BCL2L11: variants seen among roughly 807,000 people sequenced by gnomAD.
The protein encoded by BCL2L11 is BCL2 like 11.
BCL2L11 carries 15 observed loss-of-function variants against 20.6 expected under a neutral mutation model. That is an observed-to-expected ratio of 0.73 (90% CI 0.49 to 1.12). BCL2L11 has a LOEUF of 1.12. BCL2L11 is among the 50% of genes most tolerant of loss of function. The pLI, the probability that BCL2L11 is intolerant of heterozygous loss-of-function variation, is 0.00. For synonymous variants in BCL2L11, 108 were observed against 92.8 expected (o/e 1.16, Z -0.94); for missense variants, 292 against 260.9 (o/e 1.12, Z -0.82).
chr2:111,164,005 A>G (rs1049114664), intron 3 of BCL2L11, 128 bp from the exon 4 acceptor site: 22 of 654,788 alleles, frequency 3.4e-5, no homozygotes, highest in Non-Finnish European at 6.2e-5. Flanking sequence ...TTTGTGACAC[A>G]GTGCTCTTGA....
chr2:111,149,987 T>G (rs2077053053), intron 2 of BCL2L11, 57 bp from the exon 3 acceptor site: 1 of 1,500,212 alleles, frequency 6.7e-7, no homozygotes. Flanking sequence ...TCTTTGGAAC[T>G]TTCCCAGTGA....
chr2:111,127,943 C>T (rs2073041481), intron 2 of BCL2L11, among the ~76,000 whole-genome samples: 1 of 152,056 alleles, frequency 6.6e-6, no homozygotes, highest in African/African-American at 2.4e-5. Context: ...ACTTGTATTG[C>T]AGTTAAACAC....
At chr2:111,146,339 T>A in intron 2 of BCL2L11, 1 of 662,342 alleles carries the variant, frequency 1.5e-6, no homozygotes, top group Non-Finnish European at 1.9e-6. Flanking sequence ...AAATAAAATA[T>A]TTATGCTTGG....
At position 111,123,685 on chromosome 2, in the gene BCL2L11, G is replaced by A. The variant is rs891773097; in HGVS notation, c.-13-48G>A. ...GTGAGAGCTAATTTGTTTATTCATC[G>A]ATTTTTTTTTTTGCTTAAAATAATC... On this transcript the variant is annotated intron_variant, in intron 1 of 3. Transcript: ENST00000393256. 1.7e-5 allele frequency: 23 copies of A among 1,318,140 alleles called. No homozygotes were observed. The African/African-American group carries it at 3.0e-4, about 17-fold the overall frequency. The allele number at this position is 1,318,140 out of a possible 1,614,324, so 81.7% of individuals were successfully genotyped here. A position where few individuals can be genotyped will look rare whatever the true frequency, so the allele number is the denominator to read the frequency against.
chr2:111,130,107 C>CTTT, intron 2 of BCL2L11: 1 of 393,492 alleles, frequency 2.5e-6, no homozygotes. Flanking sequence ...ACTTTTACTT[C>CTTT]TCTTTTTTTT....
At chr2:111,136,426 G>C (rs1001989243) in intron 2 of BCL2L11, among the ~76,000 whole-genome samples, 1 of 152,196 alleles carries the variant, frequency 6.6e-6, no homozygotes, top group Non-Finnish European at 1.5e-5. Flanking sequence ...TCAGTTGGGA[G>C]AGGAAGGACC....
At chr2:111,159,721 C>T (rs1231220301) in intron 3 of BCL2L11, among the ~76,000 whole-genome samples, 3 of 152,224 alleles carry the variant, frequency 2.0e-5, no homozygotes, top group Non-Finnish European at 4.4e-5. Flanking sequence ...GATGCTTCTG[C>T]CCTGCACTTA....
intron 2 of BCL2L11, among the ~76,000 whole-genome samples, chr2:111,136,957 A>G (rs1328785780): frequency 6.6e-6 from 1 of 152,156 alleles, no homozygotes; most frequent in African/African-American, 2.4e-5. Flanking sequence ...CCTTTTTCAG[A>G]TGATAACCGT....
Position 111,163,999 on chromosome 2 carries a change from T to A in BCL2L11, c.499-134T>A, listed in dbSNP as rs548735766. On this transcript the variant is annotated intron_variant, in intron 3 of 3. Coordinates refer to ENST00000393256, the MANE Select transcript of BCL2L11 (RefSeq NM_138621.5). ...AATCTCTGGGAGGCATCGTGCTTTG[T>A]GACACAGTGCTCTTGAAGAGGTGCC... The A allele has an allele frequency of 2.3e-5, 15 of 640,502 alleles. No individual in the cohort carries two copies. In the South Asian group the frequency reaches 2.8e-4, roughly 12 times the overall value. 39.7% of individuals were successfully genotyped at this position (640,502 alleles called of 1,614,324 possible). A position where few individuals can be genotyped will look rare whatever the true frequency, so the allele number is the denominator to read the frequency against.
intron 3 of BCL2L11, among the ~76,000 whole-genome samples, chr2:111,150,615 G>A (rs2077132501): frequency 6.6e-6 from 1 of 152,230 alleles, no homozygotes; most frequent in African/African-American, 2.4e-5. Context: ...CGAGGAAGCA[G>A]GGAGCCATTG....
chr2:111,158,590 G>A (rs2078171819), intron 3 of BCL2L11, among the ~76,000 whole-genome samples: 1 of 151,550 alleles, frequency 6.6e-6, no homozygotes. Flanking sequence ...TAAAAAATAA[G>A]TTTCAGGACA....
At chr2:111,148,813 TATAAG>T (rs2076892378) in intron 2 of BCL2L11, among the ~76,000 whole-genome samples, 1 of 152,184 alleles carries the variant, frequency 6.6e-6, no homozygotes, top group Non-Finnish European at 1.5e-5. Flanking sequence ...TTCACTTGGG[TATAAG>T]ATGAGGCAAG....
rs2077066690 is a variant in BCL2L11, at chr2:111,150,076, C to T, written c.427C>T (p.Arg143Cys). 1 of 1,613,880 alleles carries T rather than the reference C, an allele frequency of 6.2e-7. No individual in the cohort carries two copies. ...GAGGCAGGCTGAACCTGCAGATATGCGCCCAGAGATATGGATCGCCCAAGA... is the reference window on the plus strand; with the variant it reads ...GAGGCAGGCTGAACCTGCAGATATGTGCCCAGAGATATGGATCGCCCAAGA... ...SMRQAEPADM[R>C]PEIWIAQELR... Residue 143 changes from arginine (R) to cysteine (C), a missense_variant, in exon 3 of 4, where the codon CGC (arginine) becomes TGC (cysteine). Coordinates refer to ENST00000393256, the MANE Select transcript of BCL2L11 (RefSeq NM_138621.5).
chr2:111,125,674 G>A (rs550249558), intron 2 of BCL2L11, among the ~76,000 whole-genome samples: 94 of 151,588 alleles, frequency 6.2e-4, no homozygotes, highest in African/African-American at 2.2e-3. Flanking sequence ...GTGGTCACTT[G>A]TCAGAGGTTG....
At chr2:111,124,395 A>C (rs1390235780) in intron 2 of BCL2L11, among the ~76,000 whole-genome samples, 3 of 151,910 alleles carry the variant, frequency 2.0e-5, no homozygotes, top group African/African-American at 7.3e-5. Context: ...GGTTCAAGCA[A>C]TTCTCCTACC....
chr2:111,142,504 T>C (rs1367406900), intron 2 of BCL2L11: 1 of 807,314 alleles, frequency 1.2e-6, no homozygotes, highest in East Asian at 2.7e-5. Context: ...TTATCAATAA[T>C]CATATCTGTG....
intron 1 of BCL2L11, chr2:111,122,569 C>A (rs1028138546): frequency 6.1e-6 from 6 of 977,224 alleles, no homozygotes; most frequent in Non-Finnish European, 7.3e-6. Flanking sequence ...GGAACGCGGG[C>A]ACCCGGCGCC....
intron 3 of BCL2L11, among the ~76,000 whole-genome samples, chr2:111,160,223 A>G (rs2078388840): frequency 6.6e-6 from 1 of 151,926 alleles, no homozygotes. Flanking sequence ...TGATGTGGGG[A>G]TTCACCCTGG....
At chr2:111,135,658 G>A (rs1356067987) in intron 2 of BCL2L11, among the ~76,000 whole-genome samples, 2 of 152,166 alleles carry the variant, frequency 1.3e-5, no homozygotes, top group African/African-American at 2.4e-5. Context: ...CAGATGGGGC[G>A]AAGACTCAGT....
Sources: allele counts gnomAD v4.1 joint callset (sites outside exome capture counted in the v4.1 genomes callset), GRCh38; gene constraint gnomAD v4.1.1; transcripts MANE v1.5; gene names NCBI Gene and HGNC (gene_info 2026-07-23, HGNC 2026-07-21).